The following CDH13 variants were observed in gnomAD, a reference collection of about 807,000 sequenced individuals.
CDH13 encodes cadherin-13.
CDH13 carries 24 observed loss-of-function variants against 63.8 expected under a neutral mutation model. The ratio of observed to expected loss-of-function variants is 0.38; its 90% CI spans 0.27 to 0.53. CDH13 has a LOEUF of 0.53. CDH13 is among the 20% of genes least tolerant of loss of function. The pLI is 0.85. For missense variants in CDH13, 1,049 were observed against 903.1 expected, an observed-to-expected ratio of 1.16 and a Z score of -2.07; for synonymous variants, 503 against 355.3, an observed-to-expected ratio of 1.42 and a Z score of -4.67.
At chr16:83,032,502 C>G (rs924611858) in intron 3 of CDH13, among the ~76,000 whole-genome samples, 1 of 152,118 alleles carries the variant, frequency 6.6e-6, no homozygotes, top group Non-Finnish European at 1.5e-5. Flanking sequence ...GCTTTAATCC[C>G]TGTGCATCTC....
intron 11 of CDH13, among the ~76,000 whole-genome samples, chr16:83,758,968 C>T (rs111748495): frequency 4.6e-5 from 7 of 152,200 alleles, no homozygotes; most frequent in South Asian, 2.1e-4. Context: ...CTTTTCAAAC[C>T]GACCTGAGGG....
chr16:83,225,402 C>G (rs1175187690), intron 5 of CDH13, among the ~76,000 whole-genome samples: 1 of 152,208 alleles, frequency 6.6e-6, no homozygotes, highest in Non-Finnish European at 1.5e-5. Flanking sequence ...TCATTAGTGG[C>G]ACCTGAGAGC....
Position 83,780,051 on chromosome 16 carries a change from G to A in CDH13, c.1765G>A (p.Val589Ile). The A allele has an allele frequency of 1.2e-6, 2 of 1,613,940 alleles. No homozygotes were observed. The highest frequency in any genetic ancestry group is 1.7e-6 in the Non-Finnish European group (2 of 1,179,866). ...NDNAPFIYPT[V>I]AEVCDDAKNL... The stretch of plus-strand genomic sequence containing the variant: ...CAATGCCCCGTTCATTTACCCCACA[G>A]TAGCTGAAGTCTGTGATGATGCCAA... The change falls in exon 12 of 14, where the codon GTA becomes ATA. Residue 589 changes from valine (V) to isoleucine (I), a missense_variant. Val to Ile is a conservative substitution (Grantham distance 29). Transcript: ENST00000567109.
intron 2 of CDH13, among the ~76,000 whole-genome samples, chr16:83,027,880 G>T (rs1489711844): frequency 1.3e-5 from 2 of 152,198 alleles, no homozygotes; most frequent in African/African-American, 2.4e-5. Context: ...ATTTATAAGA[G>T]TAGTAAATTG....
At chr16:83,442,998 C>T (rs1333620186) in intron 6 of CDH13, among the ~76,000 whole-genome samples, 3 of 152,204 alleles carry the variant, frequency 2.0e-5, no homozygotes, top group Admixed American at 1.3e-4. Flanking sequence ...AGATTGAACT[C>T]TCAAAGACTT....
At position 83,313,143 on chromosome 16, in the gene CDH13, T is replaced by C. The variant is rs1460830874; in HGVS notation, c.637-31719T>C. ...GTTTGCAAACTGTTTTAAACACTTG[T>C]AAAAATCTCTCCTGAGCCATTTATT... On this transcript the variant is annotated intron_variant, in intron 5 of 13. Coordinates refer to ENST00000567109, the MANE Select transcript of CDH13 (RefSeq NM_001257.5). Among the ~76,000 whole-genome samples, 6 of 152,308 alleles carry C rather than the reference T, an allele frequency of 3.9e-5. 1 individual carries two copies. In the South Asian group the frequency reaches 1.2e-3, roughly 32 times the overall value.
intron 6 of CDH13, among the ~76,000 whole-genome samples, chr16:83,458,397 A>G (rs17217021): frequency 0.14 from 21,847 of 152,116 alleles, 1,992 homozygotes; most frequent in South Asian, 0.26. Flanking sequence ...ACACTTCCCA[A>G]CATCATCGCC....
At chr16:83,765,975 G>A (rs1914353455) in intron 11 of CDH13, among the ~76,000 whole-genome samples, 1 of 152,028 alleles carries the variant, frequency 6.6e-6, no homozygotes, top group African/African-American at 2.4e-5. Context: ...AGGGAATTTG[G>A]GGCCATAGAT....
intron 4 of CDH13, among the ~76,000 whole-genome samples, chr16:83,166,012 A>T (rs191308958): frequency 3.8e-4 from 58 of 152,294 alleles, no homozygotes; most frequent in African/African-American, 1.4e-3. Flanking sequence ...AGTAGAAAAA[A>T]TGAAAGTGGA....
intron 7 of CDH13, among the ~76,000 whole-genome samples, chr16:83,566,610 G>A (rs1598300136): frequency 6.6e-6 from 1 of 152,110 alleles, no homozygotes; most frequent in Non-Finnish European, 1.5e-5. Context: ...GCAGGCATGG[G>A]TTTACCCTCC....
intron 3 of CDH13, among the ~76,000 whole-genome samples, chr16:83,101,678 C>A (rs1296091059): frequency 6.6e-6 from 1 of 152,142 alleles, no homozygotes; most frequent in Non-Finnish European, 1.5e-5. Context: ...CATGTCATCC[C>A]AGCTACTGAG....
At chr16:82,855,516 A>G (rs1028663609) in intron 1 of CDH13, among the ~76,000 whole-genome samples, 3 of 152,174 alleles carry the variant, frequency 2.0e-5, no homozygotes, top group African/African-American at 7.2e-5. Context: ...ATTTAACTGA[A>G]TTAATGTTGG....
intron 7 of CDH13, among the ~76,000 whole-genome samples, chr16:83,561,133 G>T (rs997512653): frequency 4.6e-5 from 7 of 151,918 alleles, no homozygotes; most frequent in Non-Finnish European, 8.8e-5. Context: ...ACTCATTCAG[G>T]TTCTTCTCTC....
At chr16:83,494,379 C>T (rs2074088432) in intron 7 of CDH13, among the ~76,000 whole-genome samples, 1 of 152,152 alleles carries the variant, frequency 6.6e-6, no homozygotes, top group Non-Finnish European at 1.5e-5. Flanking sequence ...AGAGATTTTC[C>T]AGTTATTGAA....
intron 1 of CDH13, among the ~76,000 whole-genome samples, chr16:82,658,357 A>C (rs757063386): frequency 6.6e-6 from 1 of 152,180 alleles, no homozygotes; most frequent in Non-Finnish European, 1.5e-5. Context: ...TCCTTTAAAG[A>C]TTTAGCTGTC....
chr16:82,933,856 T>C (rs1261923073), intron 2 of CDH13, among the ~76,000 whole-genome samples: 3 of 152,230 alleles, frequency 2.0e-5, no homozygotes, highest in African/African-American at 7.2e-5. Flanking sequence ...GTGTCTCACA[T>C]CCAGGTCACA....
chr16:83,214,953 G>C (rs1188826442), intron 4 of CDH13, among the ~76,000 whole-genome samples: 10 of 151,986 alleles, frequency 6.6e-5, no homozygotes, highest in Non-Finnish European at 1.3e-4. Context: ...GTAAGCTGTG[G>C]CTCTTGACCT....
chr16:83,091,356 G>A (rs1252244886), intron 3 of CDH13, among the ~76,000 whole-genome samples: 3 of 152,160 alleles, frequency 2.0e-5, no homozygotes, highest in East Asian at 1.9e-4. Flanking sequence ...AGTAGTAGGA[G>A]GCATATTTTT....
intron 11 of CDH13, among the ~76,000 whole-genome samples, chr16:83,751,039 G>C (rs1291694504): frequency 6.6e-6 from 1 of 151,946 alleles, no homozygotes; most frequent in Non-Finnish European, 1.5e-5. Flanking sequence ...TTGGGAAGTT[G>C]GTCAGCATTA....
Sources: gnomAD v4.1 joint callset for allele counts (sites outside exome capture counted in the v4.1 genomes callset) on GRCh38, gnomAD v4.1.1 for gene constraint, MANE v1.5 for transcripts, NCBI Gene and HGNC (gene_info 2026-07-23, HGNC 2026-07-21) for gene names.